RWDD1: variants seen among roughly 807,000 people sequenced by gnomAD.
RWDD1 encodes the protein RWD domain-containing protein 1.
RWDD1 carries 17 observed loss-of-function variants against 31.6 expected under a neutral mutation model. The ratio of observed to expected loss-of-function variants is 0.54; its 90% CI spans 0.37 to 0.81. The LOEUF (loss-of-function observed/expected upper bound fraction) is 0.81. Ranked by LOEUF, RWDD1 falls within the 30% of genes least tolerant of loss-of-function variation. The probability of loss-of-function intolerance (pLI) is 0.00; values close to 1 mark genes in which losing one functional copy is unlikely to be tolerated. For missense variants in RWDD1, 204 were observed against 274.5 expected (o/e 0.74, Z 1.82); for synonymous variants, 78 against 94.2 (o/e 0.83, Z 0.99).
intron 1 of RWDD1, among the ~76,000 whole-genome samples, chr6:116,576,593 C>T (rs541568453): frequency 5.9e-5 from 9 of 152,344 alleles, no homozygotes; most frequent in African/African-American, 1.9e-4. Flanking sequence ...TTCTTGCTGA[C>T]ATTCCCATAT....
intron 1 of RWDD1, among the ~76,000 whole-genome samples, chr6:116,578,088 A>G (rs891821207): frequency 1.3e-5 from 2 of 152,144 alleles, no homozygotes; most frequent in Non-Finnish European, 2.9e-5. Flanking sequence ...TTTTTAAATG[A>G]TGCTCTATAT....
rs999839354 is a variant in RWDD1, at chr6:116,596,788, A to G, written c.*3687A>G. On this transcript the variant is annotated 3_prime_UTR_variant, in exon 7 of 7. Coordinates refer to ENST00000466444, the MANE Select transcript of RWDD1 (RefSeq NM_015952.4). ...TTAAGGTGAAAAGTTCATTCAATTA[A>G]GGTATTTGAGTGCTACTATGCGCCA... 2.0e-5 allele frequency: 3 copies of G among 152,160 alleles called. No homozygotes were observed. The highest frequency in any genetic ancestry group is 7.2e-5 in the African/African-American group (3 of 41,436). The allele number at this position is 152,160 out of a possible 1,614,324, so 9.4% of individuals were successfully genotyped here.
At position 116,584,801 on chromosome 6, in the gene RWDD1, C is replaced by T; in HGVS notation, c.214C>T (p.Gln72Ter). The change falls in exon 3 of 7, where the codon CAG (glutamine) becomes TAG (stop). Residue 72 changes from glutamine (Q) to a stop codon, truncating the protein, a stop_gained. Coordinates refer to ENST00000466444, the MANE Select transcript of RWDD1 (RefSeq NM_015952.4). LOFTEE classifies it high-confidence loss of function. ...AGCTCCCCTTTATGAAATATTCTCC[C>T]AGGAAAATCTAGAAGATAATGATGT... The part of the protein sequence containing the change: ...DEAPLYEIFS[Q>*]ENLEDNDVSD... 6 of 1,600,008 alleles carry T rather than the reference C, an allele frequency of 3.7e-6. No homozygotes were observed. The highest frequency in any genetic ancestry group is 5.1e-6 in the Non-Finnish European group (6 of 1,167,494).
chr6:116,592,913 T>C, intron 6 of RWDD1, 67 bp from the exon 7 acceptor site: 1 of 1,546,870 alleles, frequency 6.5e-7, no homozygotes, highest in Non-Finnish European at 8.7e-7. Flanking sequence ...TGCCAATGAG[T>C]TTTATCTTCT....
intron 1 of RWDD1, chr6:116,574,079 C>A: frequency 4.5e-6 from 3 of 669,630 alleles, no homozygotes; most frequent in Non-Finnish European, 5.5e-6. Context: ...ATTGATCCAA[C>A]CCTCCTAACA....
At chr6:116,576,626 A>G (rs1446295208) in intron 1 of RWDD1, among the ~76,000 whole-genome samples, 1 of 151,928 alleles carries the variant, frequency 6.6e-6, no homozygotes, top group Non-Finnish European at 1.5e-5. Context: ...TCATTTACCA[A>G]ATAGTTACTA....
At chr6:116,585,856 A>G (rs911398389) in intron 3 of RWDD1, among the ~76,000 whole-genome samples, 3 of 152,036 alleles carry the variant, frequency 2.0e-5, no homozygotes, top group African/African-American at 7.2e-5. Flanking sequence ...GGGCAGTGAC[A>G]TGATCATGGC....
chr6:116,591,008 C>T (rs1775134872), intron 6 of RWDD1, 58 bp downstream of exon 6: 2 of 1,499,324 alleles, frequency 1.3e-6, no homozygotes, highest in Non-Finnish European at 8.8e-7. Flanking sequence ...AACCTGTAAT[C>T]CCAGCATTTT....
chr6:116,594,651 C>G lies in RWDD1; in HGVS notation c.*1550C>G, dbSNP rs563127443. ...AGAGAAACACATTAACATCCGTGCA[C>G]ATAGAGTCCTTTGTAATAATTTGGG... On this transcript the variant is annotated 3_prime_UTR_variant, in exon 7 of 7. Coordinates refer to ENST00000466444, the MANE Select transcript of RWDD1 (RefSeq NM_015952.4). The G allele has an allele frequency of 6.6e-6, 1 of 152,320 alleles. No individual in the cohort carries two copies. Among genetic ancestry groups the G allele is most frequent in the Non-Finnish European group, 1.5e-5 (1 of 68,024 alleles). 9.4% of individuals were successfully genotyped at this position (152,320 alleles called of 1,614,324 possible).
chr6:116,576,716 A>C (rs1045141567), intron 1 of RWDD1, among the ~76,000 whole-genome samples: 2 of 152,204 alleles, frequency 1.3e-5, no homozygotes, highest in Non-Finnish European at 2.9e-5. Context: ...GAGTTGTTTC[A>C]GAAAATTTAG....
At chr6:116,585,277 A>G (rs891841133) in intron 3 of RWDD1, among the ~76,000 whole-genome samples, 12 of 152,106 alleles carry the variant, frequency 7.9e-5, no homozygotes, top group Non-Finnish European at 1.3e-4. Flanking sequence ...AGGACTGGTA[A>G]TTGATTTTTT....
chr6:116,581,877 T>C (rs999916091), intron 2 of RWDD1, among the ~76,000 whole-genome samples: 1 of 152,006 alleles, frequency 6.6e-6, no homozygotes, highest in Non-Finnish European at 1.5e-5. Context: ...TACAAAATAA[T>C]ACATGCAAGG....
intron 6 of RWDD1, among the ~76,000 whole-genome samples, chr6:116,591,827 C>G (rs1223768687): frequency 1.3e-5 from 2 of 152,236 alleles, no homozygotes; most frequent in Non-Finnish European, 1.5e-5. Flanking sequence ...CAGCCTTGTT[C>G]TGGATTACCT....
chr6:116,590,237 A>G (rs1775116970), intron 4 of RWDD1, 35 bp from the exon 5 acceptor site: 1 of 1,249,956 alleles, frequency 8.0e-7, no homozygotes, highest in Non-Finnish European at 1.1e-6. Flanking sequence ...CTGCTGTTTC[A>G]TTAATCTGGT....
At chr6:116,587,925 G>C (rs910671009) in intron 3 of RWDD1, among the ~76,000 whole-genome samples, 1 of 152,052 alleles carries the variant, frequency 6.6e-6, no homozygotes, top group Non-Finnish European at 1.5e-5. Flanking sequence ...GTGGGTGGTG[G>C]TGTGATTTGT....
chr6:116,573,056 G>T, intron 1 of RWDD1: 1 of 924,538 alleles, frequency 1.1e-6, no homozygotes. Context: ...TAGAATATAG[G>T]GTCAGTTGTT....
chr6:116,589,888 C>CCTGTGCTGGGACCCATGTG (rs1775107443), intron 4 of RWDD1, among the ~76,000 whole-genome samples: 1 of 152,136 alleles, frequency 6.6e-6, no homozygotes. Flanking sequence ...GTTACCTCCC[C>CCTGTGCTGGGACCCATGTG]CTGGGTCCCT....
intron 1 of RWDD1, among the ~76,000 whole-genome samples, chr6:116,578,155 C>T (rs952163608): frequency 1.3e-5 from 2 of 152,172 alleles, no homozygotes; most frequent in Admixed American, 1.3e-4. Context: ...TATTTAAAAG[C>T]TCTCTATCTC....
chr6:116,578,221 A>G (rs1359830345), intron 1 of RWDD1, among the ~76,000 whole-genome samples: 3 of 152,184 alleles, frequency 2.0e-5, no homozygotes, highest in Admixed American at 2.0e-4. Context: ...TTTAAGACAT[A>G]TTTTACACTT....
Sources: gnomAD v4.1 joint callset for allele counts (sites outside exome capture counted in the v4.1 genomes callset) on GRCh38, gnomAD v4.1.1 for gene constraint, MANE v1.5 for transcripts, NCBI Gene and HGNC (gene_info 2026-07-23, HGNC 2026-07-21) for gene names.